Variants in ATP6V0E2 observed in about 807,000 individuals in gnomAD.
The protein encoded by ATP6V0E2 is V-type proton ATPase subunit e 2.
In ATP6V0E2, 4 loss-of-function variants were observed where a neutral mutation model predicts 11.5. The ratio of observed to expected loss-of-function variants is 0.35; its 90% confidence interval spans 0.17 to 0.80. The LOEUF is 0.80. Among genes scored for constraint, ATP6V0E2 ranks in the 30% least tolerant of loss-of-function variants. The pLI is 0.53. For synonymous variants in ATP6V0E2, 52 were observed against 51.0 expected (o/e 1.02, Z -0.09); for missense variants, 93 against 113.5 (o/e 0.82, Z 0.82).
At position 149,874,144 on chromosome 7, in the gene ATP6V0E2, T is replaced by A; in HGVS notation, c.79T>A (p.Phe27Ile). The change falls in exon 1 of 4, where the codon TTC becomes ATC. Residue 27 changes from phenylalanine (F) to isoleucine (I), a missense_variant. By Grantham distance (21) the Phe-to-Ile change is conservative. Transcript: ENST00000425642. ...CCTCGTCGGCATCGCCGGGCCCTGG[T>A]TCGTGCCGAAGGGACCCAACCGCGG... ...WGLVGIAGPW[F>I]VPKGPNRGVI... 1 of 1,549,594 alleles carries A rather than the reference T, an allele frequency of 6.5e-7. No homozygotes were observed. Among genetic ancestry groups the A allele is most frequent in the African/African-American group, 1.4e-5 (1 of 73,086 alleles).
chr7:149,879,303 G>A, intron 3 of ATP6V0E2, 32 bp from the exon 4 acceptor site: 1 of 1,481,692 alleles, frequency 6.7e-7, no homozygotes, highest in Non-Finnish European at 9.0e-7. Flanking sequence ...CCACTGCAAG[G>A]CCGGGACCCT....
chr7:149,879,580 T>C lies in ATP6V0E2; in HGVS notation c.*265T>C. 6.7e-7 allele frequency: 1 copy of C among 1,487,990 alleles called. No homozygotes were observed. Among genetic ancestry groups the C allele is most frequent in the South Asian group, 1.4e-5 (1 of 69,744 alleles). The allele number at this position is 1,487,990 out of a possible 1,614,324, so 92.2% of individuals were successfully genotyped here. A position where few individuals can be genotyped will look rare whatever the true frequency, so the allele number is the denominator to read the frequency against. ...CTCCAATACCCGCACTGCTCTGGAG[T>C]TTGCCCTCTTTCCCAAGGAGATGCT... On this transcript the variant is annotated 3_prime_UTR_variant, in exon 4 of 4. Coordinates refer to ENST00000425642, the MANE Select transcript of ATP6V0E2 (RefSeq NM_145230.4).
In ATP6V0E2 at chr7:149,874,084, G is replaced by T. The variant is rs1019635092; in HGVS notation, c.19G>T (p.Ala7Ser). The T allele has an allele frequency of 6.5e-7, 1 of 1,550,012 alleles. No homozygotes were observed. Among genetic ancestry groups the T allele is most frequent in the African/African-American group, 1.4e-5 (1 of 73,152 alleles). The change falls in exon 1 of 4, where the codon GCC becomes TCC. Residue 7 changes from alanine to serine, a missense_variant. Coordinates refer to ENST00000425642, the MANE Select transcript of ATP6V0E2 (RefSeq NM_145230.4). ...CCCGGCCATGACGGCGCACTCATTC[G>T]CCCTCCCGGTCATCATCTTCACCAC... MTAHSF[A>S]LPVIIFTTFW...
chr7:149,878,637 C>G (rs760187136), intron 2 of ATP6V0E2, 41 bp from the exon 3 acceptor site: 2 of 1,555,300 alleles, frequency 1.3e-6, no homozygotes, highest in Non-Finnish European at 1.7e-6. Context: ...GTGGGAGGAC[C>G]CTCCTGTGCC....
At chr7:149,876,263 C>A (rs1803131219) in intron 2 of ATP6V0E2, among the ~76,000 whole-genome samples, 1 of 152,208 alleles carries the variant, frequency 6.6e-6, no homozygotes, top group Non-Finnish European at 1.5e-5. Context: ...GTAGTCCCAG[C>A]TACTCAGGAG....
At chr7:149,879,080 C>T (rs999862987) in intron 3 of ATP6V0E2, 5 of 1,376,120 alleles carry the variant, frequency 3.6e-6, no homozygotes, top group Non-Finnish European at 4.7e-6. Context: ...GACTGAACAT[C>T]AACTCCCTTC....
chr7:149,879,365 A>C lies in ATP6V0E2; in HGVS notation c.*50A>C. 2 of 1,566,712 alleles carry C rather than the reference A, an allele frequency of 1.3e-6. No homozygotes were observed. The highest frequency in any genetic ancestry group is 1.7e-4 in the Middle Eastern group (1 of 5,836). On this transcript the variant is annotated 3_prime_UTR_variant, in exon 4 of 4. Coordinates refer to ENST00000425642, the MANE Select transcript of ATP6V0E2 (RefSeq NM_145230.4). ...CAGCTCTCGGAATGACTGTGGCTCC[A>C]CTGTCCCTGACAACCCCTTCGTCCG... is the stretch of plus-strand genomic sequence containing the variant.
chr7:149,873,792 T>C (rs1045477747), upstream of ATP6V0E2: 30 of 1,342,042 alleles, frequency 2.2e-5, no homozygotes, highest in Non-Finnish European at 2.8e-5. Flanking sequence ...CTATAACCCA[T>C]CGCCGAAACC....
chr7:149,876,358 A>C (rs1301340542), intron 2 of ATP6V0E2, among the ~76,000 whole-genome samples: 1 of 152,170 alleles, frequency 6.6e-6, no homozygotes, highest in Non-Finnish European at 1.5e-5. Flanking sequence ...CCTGGGCAAC[A>C]GAGTGAGACT....
chr7:149,874,198 C>A, intron 1 of ATP6V0E2, 29 bp downstream of exon 1: 1 of 1,531,676 alleles, frequency 6.5e-7, no homozygotes, highest in African/African-American at 1.4e-5. Context: ...CCCTGCAGAC[C>A]TCTCCACCCC....
At chr7:149,876,347 G>A (rs1410927610) in intron 2 of ATP6V0E2, among the ~76,000 whole-genome samples, 1 of 152,130 alleles carries the variant, frequency 6.6e-6, no homozygotes, top group East Asian at 1.9e-4. Context: ...CTGCACTCCA[G>A]CCTGGGCAAC....
At chr7:149,874,302 C>A in intron 1 of ATP6V0E2, 133 bp downstream of exon 1, 1 of 1,216,678 alleles carries the variant, frequency 8.2e-7, no homozygotes, top group Non-Finnish European at 1.1e-6. Flanking sequence ...CCCCGGACGC[C>A]ACCTCTGAGG....
chr7:149,879,224 G>C lies in ATP6V0E2; in HGVS notation c.*20-111G>C, dbSNP rs529995987. 1,598 of 1,403,214 alleles carry C rather than the reference G, an allele frequency of 1.1e-3. 4 individuals carry two copies. The highest frequency in any genetic ancestry group is 1.8e-3 in the Admixed American group (58 of 32,144). 86.9% of individuals were successfully genotyped at this position (1,403,214 alleles called of 1,614,324 possible). Reference sequence around the variant, plus strand: ...CCTAACCTGGACGGAGGGAGGGAAAGGGTAAGCTGAGGACTATCTGGGCAG... The same window carrying C: ...CCTAACCTGGACGGAGGGAGGGAAACGGTAAGCTGAGGACTATCTGGGCAG... On this transcript the variant is annotated intron_variant, in intron 3 of 3. Transcript: ENST00000425642.
chr7:149,876,999 C>T (rs1803185537), intron 2 of ATP6V0E2, among the ~76,000 whole-genome samples: 1 of 152,152 alleles, frequency 6.6e-6, no homozygotes, highest in Non-Finnish European at 1.5e-5. Flanking sequence ...ATTGTTTTAT[C>T]TGATTAGGTC....
Position 149,879,370 on chromosome 7 carries a change from C to A in ATP6V0E2, c.*55C>A. 6.3e-7 allele frequency: 1 copy of A among 1,576,238 alleles called. No individual in the cohort carries two copies. The highest frequency in any genetic ancestry group is 8.6e-7 in the Non-Finnish European group (1 of 1,161,300). ...CTCGGAATGACTGTGGCTCCACTGTCCCTGACAACCCCTTCGTCCGGACCC... is the reference window on the plus strand; with the variant it reads ...CTCGGAATGACTGTGGCTCCACTGTACCTGACAACCCCTTCGTCCGGACCC... On this transcript the variant is annotated 3_prime_UTR_variant, in exon 4 of 4. Transcript: ENST00000425642.
In ATP6V0E2 at chr7:149,876,388, C is replaced by T. The variant is rs190761631; in HGVS notation, c.152+743C>T. ...GAGACTCCGACTCTAAAAAAAGAAC[C>T]ACTAGGTGAGAGTAAGTCATCAAAC... is the stretch of plus-strand genomic sequence containing the variant. On this transcript the variant is annotated intron_variant, in intron 2 of 3. Transcript: ENST00000425642. Among the ~76,000 whole-genome samples, 20 of 152,148 alleles carry T rather than the reference C, an allele frequency of 1.3e-4. 1 individual carries two copies. Among genetic ancestry groups the T allele is most frequent in the African/African-American group, 4.8e-4 (20 of 41,542 alleles).
upstream of ATP6V0E2, chr7:149,873,936 G>T: frequency 6.5e-7 from 1 of 1,536,382 alleles, no homozygotes; most frequent in Non-Finnish European, 8.7e-7. Flanking sequence ...TGCGCGGCCC[G>T]GCCCGGCTGA....
At chr7:149,876,322 G>A (rs751253043) in intron 2 of ATP6V0E2, among the ~76,000 whole-genome samples, 3 of 152,184 alleles carry the variant, frequency 2.0e-5, no homozygotes, top group African/African-American at 4.8e-5. Flanking sequence ...GTTGCGGTGA[G>A]CCAAGATCTT....
At chr7:149,878,591 G>T in intron 2 of ATP6V0E2, 87 bp from the exon 3 acceptor site, 2 of 1,205,488 alleles carry the variant, frequency 1.7e-6, no homozygotes, top group Non-Finnish European at 2.3e-6. Context: ...TGGGTTGGCC[G>T]CATCCAAAAT....
Sources: allele counts gnomAD v4.1 joint callset (sites outside exome capture counted in the v4.1 genomes callset), GRCh38; gene constraint gnomAD v4.1.1; transcripts MANE v1.5; gene names NCBI Gene and HGNC (gene_info 2026-07-23, HGNC 2026-07-21).